Variants in RAB5B observed in about 807,000 individuals in gnomAD.
RAB5B encodes ras-related protein Rab-5B.
RAB5B carries 11 observed loss-of-function variants against 28.6 expected under a neutral mutation model. The observed-to-expected ratio is 0.38, with a 90% CI of 0.24 to 0.64. The LOEUF (loss-of-function observed/expected upper bound fraction) is 0.64. Among genes scored for constraint, RAB5B ranks in the 30% least tolerant of loss-of-function variants. RAB5B has a pLI of 0.53. For synonymous variants in RAB5B, 93 were observed against 97.9 expected, an observed-to-expected ratio of 0.95 and a Z score of 0.29; for missense variants, 169 against 265.6, an observed-to-expected ratio of 0.64 and a Z score of 2.53.
At chr12:55,991,868 A>G in intron 5 of RAB5B, 1 of 482,574 alleles carries the variant, frequency 2.1e-6, no homozygotes, top group South Asian at 2.2e-5. Context: ...TGGAGGTTGC[A>G]GTGAGCCGAG....
At chr12:55,982,853 C>A (rs770444470) in intron 1 of RAB5B, among the ~76,000 whole-genome samples, 3 of 152,196 alleles carry the variant, frequency 2.0e-5, no homozygotes, top group Non-Finnish European at 4.4e-5. Context: ...CATTCTAACT[C>A]CCACATTTTC....
chr12:55,990,802 G>T lies in RAB5B; in HGVS notation c.436G>T (p.Glu146Ter). The T allele has an allele frequency of 6.2e-7, 1 of 1,613,790 alleles. No homozygotes were observed. Among genetic ancestry groups the T allele is most frequent in the South Asian group, 1.1e-5 (1 of 91,070 alleles). ...GGCCAACAAACGTATGGTGGAGTAT[G>T]AAGTAAGGTGGCCCGTGGAGTTCCT... ...DLANKRMVEY[E>*]EAQAYADDNS... The change falls in exon 4 of 6, where the codon GAA becomes TAA. Residue 146 changes from glutamate to a stop codon, truncating the protein, a stop_gained and splice_region_variant. Coordinates refer to ENST00000360299, the MANE Select transcript of RAB5B (RefSeq NM_002868.4). LOFTEE classifies it high-confidence loss of function.
intron 2 of RAB5B, among the ~76,000 whole-genome samples, chr12:55,988,635 C>T (rs1193532193): frequency 6.6e-6 from 1 of 152,056 alleles, no homozygotes. Flanking sequence ...TCCTGAGCAG[C>T]GGAGATTACA....
Position 55,984,796 on chromosome 12 carries a change from A to G in RAB5B, c.-92-2073A>G, listed in dbSNP as rs117802392. ...CAGGCTGTGGCTGCTTTTTAGGAAT[A>G]TATTGATAACAACTAATATTGAGAT... On this transcript the variant is annotated intron_variant, in intron 1 of 5. Transcript: ENST00000360299. 2.3e-4 allele frequency among the ~76,000 whole-genome samples: 35 copies of G among 152,312 alleles called. No homozygotes were observed. In the East Asian group the frequency reaches 6.6e-3, roughly 29 times the overall value.
intron 2 of RAB5B, among the ~76,000 whole-genome samples, chr12:55,987,861 A>T (rs1457688328): frequency 6.6e-6 from 1 of 151,062 alleles, no homozygotes; most frequent in Non-Finnish European, 1.5e-5. Flanking sequence ...AAATCTGGTA[A>T]AATAGGCTGG....
chr12:55,984,723 A>C (rs1228810222), intron 1 of RAB5B, among the ~76,000 whole-genome samples: 1 of 151,394 alleles, frequency 6.6e-6, no homozygotes, highest in Admixed American at 6.6e-5. Context: ...CAGGTGATCC[A>C]CCTCAGCCTC....
At chr12:55,982,940 A>T (rs776040825) in intron 1 of RAB5B, among the ~76,000 whole-genome samples, 4 of 152,194 alleles carry the variant, frequency 2.6e-5, no homozygotes, top group Non-Finnish European at 5.9e-5. Context: ...ATAAAAATGT[A>T]AGGGAGTAAG....
intron 1 of RAB5B, among the ~76,000 whole-genome samples, chr12:55,983,705 G>A (rs994834104): frequency 6.8e-6 from 1 of 148,056 alleles, no homozygotes; most frequent in Admixed American, 6.8e-5. Context: ...TGTCGCCCAG[G>A]CTGGAGTGCA....
chr12:55,987,359 C>G (rs2136484585), intron 2 of RAB5B, among the ~76,000 whole-genome samples: 1 of 151,882 alleles, frequency 6.6e-6, no homozygotes, highest in Middle Eastern at 3.4e-3. Flanking sequence ...GGGGGTTTCA[C>G]CATCATGTTG....
rs1380890209 is a variant in RAB5B at position 55,987,089 on chromosome 12, G to A, written c.129G>A (p.Gly43=). The A allele has an allele frequency of 1.2e-6, 2 of 1,613,966 alleles. No homozygotes were observed. Among genetic ancestry groups the A allele is most frequent in the East Asian group, 2.2e-5 (1 of 44,892 alleles). ...GCCTGGTATTACGTTTTGTCAAAGG[G>A]CAGTTCCATGAGTACCAGGAGAGCA... ...KSSLVLRFVK[G]QFHEYQESTI... Residue 43 remains glycine, a synonymous_variant, in exon 2 of 6, where the codon GGG becomes GGA. Transcript: ENST00000360299.
chr12:55,991,472 G>C lies in RAB5B; in HGVS notation c.532+19G>C. On this transcript the variant is annotated intron_variant, in intron 5 of 5. Coordinates refer to ENST00000360299, the MANE Select transcript of RAB5B (RefSeq NM_002868.4). ...GCAATAGGTAAGGTCAGAACATCCT[G>C]AGGTCCTCCTTTTTCCCTCGTTTAT... 6.3e-7 allele frequency: 1 copy of C among 1,594,188 alleles called. No individual in the cohort carries two copies. The highest frequency in any genetic ancestry group is 1.7e-5 in the Admixed American group (1 of 59,866).
chr12:55,990,386 C>T (rs562036609), intron 3 of RAB5B, among the ~76,000 whole-genome samples: 19 of 151,004 alleles, frequency 1.3e-4, no homozygotes, highest in African/African-American at 3.7e-4. Context: ...CTAGCCTCGG[C>T]GACAGAGCAA....
intron 1 of RAB5B, among the ~76,000 whole-genome samples, chr12:55,976,566 G>T (rs1440815466): frequency 3.3e-5 from 5 of 152,176 alleles, no homozygotes; most frequent in African/African-American, 9.7e-5. Context: ...ATGGTCTCTG[G>T]ATGTTCATGG....
intron 1 of RAB5B, among the ~76,000 whole-genome samples, chr12:55,985,202 A>G (rs1225934304): frequency 1.3e-5 from 2 of 152,200 alleles, no homozygotes; most frequent in Non-Finnish European, 2.9e-5. Flanking sequence ...ATTGGACTCC[A>G]GAGCCTTTAT....
chr12:55,981,321 C>T (rs1476864179), intron 1 of RAB5B, among the ~76,000 whole-genome samples: 2 of 152,258 alleles, frequency 1.3e-5, no homozygotes, highest in South Asian at 2.1e-4. Context: ...ATCTCGCCCT[C>T]CCAAAGTGCT....
intron 1 of RAB5B, among the ~76,000 whole-genome samples, chr12:55,978,495 C>T (rs1889709340): frequency 6.6e-6 from 1 of 151,098 alleles, no homozygotes; most frequent in Middle Eastern, 3.4e-3. Flanking sequence ...CTGAGCAAGA[C>T]TCCGTCTCAG....
At chr12:55,983,924 C>G (rs1387287317) in intron 1 of RAB5B, among the ~76,000 whole-genome samples, 1 of 152,048 alleles carries the variant, frequency 6.6e-6, no homozygotes, top group African/African-American at 2.4e-5. Flanking sequence ...TCTCCCAAAC[C>G]CCTGGGATTA....
chr12:55,991,958 C>A (rs1472631975), intron 5 of RAB5B, 139 bp from the exon 6 acceptor site: 16 of 641,212 alleles, frequency 2.5e-5, no homozygotes, highest in Non-Finnish European at 3.5e-5. Flanking sequence ...AATAGTGAAC[C>A]CTCCCATCTT....
At chr12:55,984,413 C>T (rs1889898178) in intron 1 of RAB5B, among the ~76,000 whole-genome samples, 1 of 152,084 alleles carries the variant, frequency 6.6e-6, no homozygotes, top group African/African-American at 2.4e-5. Flanking sequence ...TTGTCTCAAA[C>T]TCCTGACCTC....
Sources: gnomAD v4.1 joint callset for allele counts (sites outside exome capture counted in the v4.1 genomes callset) on GRCh38, gnomAD v4.1.1 for gene constraint, MANE v1.5 for transcripts, NCBI Gene and HGNC (gene_info 2026-07-23, HGNC 2026-07-21) for gene names.